HK1: variants seen among roughly 807,000 people sequenced by gnomAD.
HK1 encodes the protein hexokinase-1.
In HK1, 28 loss-of-function variants were observed where a neutral mutation model predicts 91.6. The ratio of observed to expected loss-of-function variants is 0.31; its 90% CI spans 0.23 to 0.42. HK1 has a LOEUF of 0.42. Among genes scored for constraint, HK1 ranks in the 10% least tolerant of loss-of-function variants. HK1 has a pLI of 1.00. For synonymous variants in HK1, 430 were observed against 468.1 expected (o/e 0.92, Z 1.05); for missense variants, 770 against 1,219.8 (o/e 0.63, Z 5.49).
chr10:69,357,053 A>G (rs1269888067), intron 2 of HK1, among the ~76,000 whole-genome samples: 4 of 152,242 alleles, frequency 2.6e-5, no homozygotes. Flanking sequence ...ATAAGTGTTG[A>G]TGAAGACATG....
intron 1 of HK1, among the ~76,000 whole-genome samples, chr10:69,281,339 G>A (rs927673786): frequency 6.6e-6 from 1 of 152,162 alleles, no homozygotes; most frequent in African/African-American, 2.4e-5. Context: ...CCTAGAGGAC[G>A]GGGACCAAGC....
intron 1 of HK1, among the ~76,000 whole-genome samples, chr10:69,331,227 C>T (rs1184431554): frequency 4.6e-5 from 7 of 152,186 alleles, no homozygotes; most frequent in African/African-American, 7.2e-5. Context: ...AAGGCTTCTG[C>T]GTCACCTAAA....
chr10:69,374,680 A>G (rs1432741421), intron 7 of HK1, among the ~76,000 whole-genome samples: 1 of 152,200 alleles, frequency 6.6e-6, no homozygotes, highest in Non-Finnish European at 1.5e-5. Flanking sequence ...CTGGGAAAGG[A>G]CAGACCCTGG....
intron 16 of HK1, among the ~76,000 whole-genome samples, chr10:69,396,827 G>A (rs1840165341): frequency 2.0e-5 from 3 of 151,936 alleles, no homozygotes; most frequent in African/African-American, 2.4e-5. Context: ...GATTACAGGC[G>A]TGCGTCACCA....
At position 69,362,251 on chromosome 10, in the gene HK1, A is replaced by T. The variant is rs112297586; in HGVS notation, c.375+2206A>T. On this transcript the variant is annotated intron_variant, in intron 3 of 17. Transcript: ENST00000359426. ...ATTTTTATTTTAAATTATTAAAAAA[A>T]TTTTTTTTTAAAGATGGGATCTTGC... 5.2e-4 allele frequency among the ~76,000 whole-genome samples: 79 copies of T among 151,614 alleles called. 1 individual carries two copies. Among genetic ancestry groups the T allele is most frequent in the African/African-American group, 1.6e-3 (68 of 41,374 alleles).
intron 1 of HK1, among the ~76,000 whole-genome samples, chr10:69,341,694 G>T (rs558306374): frequency 6.6e-6 from 1 of 152,124 alleles, no homozygotes; most frequent in South Asian, 2.1e-4. Context: ...GGGCTCAAAT[G>T]ATCCTGCTGC....
intron 1 of HK1, among the ~76,000 whole-genome samples, chr10:69,270,767 T>A (rs1354377876): frequency 2.0e-5 from 3 of 152,170 alleles, no homozygotes; most frequent in Non-Finnish European, 2.9e-5. Flanking sequence ...TCTTCAGAAA[T>A]CTTTTATCTG....
chr10:69,270,473 C>A (rs149267542), intron 1 of HK1, among the ~76,000 whole-genome samples: 1 of 152,030 alleles, frequency 6.6e-6, no homozygotes. Context: ...ATCCTAGCTA[C>A]TCGGGAGGCT....
rs531406651 is a variant in HK1, at chr10:69,329,089, C to T, written c.63+10079C>T. 3.9e-5 allele frequency among the ~76,000 whole-genome samples: 6 copies of T among 151,972 alleles called. 1 individual carries two copies. In the South Asian group the frequency reaches 6.2e-4, roughly 16 times the overall value. On this transcript the variant is annotated intron_variant, in intron 1 of 17. Coordinates refer to ENST00000359426, the MANE Select transcript of HK1 (RefSeq NM_000188.3). Reference sequence around the variant, plus strand: ...GCATTTGGACTGCTTCCACTCTTTTCGGCTGTTATGAATAATGCTGCTCTG... The same window carrying T: ...GCATTTGGACTGCTTCCACTCTTTTTGGCTGTTATGAATAATGCTGCTCTG...
rs566233403 is a variant in HK1, at chr10:69,386,519, C to T, written c.1935+101C>T. The stretch of plus-strand genomic sequence containing the variant: ...AGAATTCAGGCCAGGCGTGGTGGCT[C>T]ACGCCTGTAATCCCAGCACTTTGGG... On this transcript the variant is annotated intron_variant, in intron 13 of 17. Coordinates refer to ENST00000359426, the MANE Select transcript of HK1 (RefSeq NM_000188.3). The T allele has an allele frequency of 3.4e-5, 31 of 915,722 alleles. No individual in the cohort carries two copies. The South Asian group carries it at 3.6e-4, about 11-fold the overall frequency. The allele number at this position is 915,722 out of a possible 1,614,324, so 56.7% of individuals were successfully genotyped here.
At chr10:69,289,905 C>A (rs1845220535) in intron 3 of HK1, among the ~76,000 whole-genome samples, 1 of 151,806 alleles carries the variant, frequency 6.6e-6, no homozygotes, top group Admixed American at 6.6e-5. Context: ...ACAGTGTGAG[C>A]CACTGTGCCC....
intron 2 of HK1, among the ~76,000 whole-genome samples, chr10:69,355,025 C>A (rs907906307): frequency 7.0e-6 from 1 of 142,154 alleles, no homozygotes; most frequent in Non-Finnish European, 1.5e-5. Flanking sequence ...GCCAAGATCA[C>A]GCCATTGCAC....
intron 13 of HK1, among the ~76,000 whole-genome samples, chr10:69,388,021 G>T (rs1564565113): frequency 6.6e-6 from 1 of 152,144 alleles, no homozygotes; most frequent in Non-Finnish European, 1.5e-5. Context: ...AAGCTGAAAT[G>T]AGTGTCTGAA....
At chr10:69,360,321 G>A (rs565009154) in intron 3 of HK1, among the ~76,000 whole-genome samples, 30 of 152,360 alleles carry the variant, frequency 2.0e-4, no homozygotes, top group Non-Finnish European at 2.5e-4. Context: ...GGGAGGCTCC[G>A]CAGCTCTGTT....
upstream of HK1, among the ~76,000 whole-genome samples, chr10:69,312,018 T>C (rs1846399755): frequency 1.3e-5 from 2 of 152,116 alleles, no homozygotes; most frequent in African/African-American, 4.8e-5. Flanking sequence ...AGGGACAGGG[T>C]GGGACTCGGA....
Position 69,360,736 on chromosome 10 carries a change from G to A in HK1, c.375+691G>A, listed in dbSNP as rs1323094194. Among the ~76,000 whole-genome samples the A allele has an allele frequency of 3.9e-5, 6 of 152,318 alleles. No homozygotes were observed. In the East Asian group the frequency reaches 1.2e-3, roughly 29 times the overall value. On this transcript the variant is annotated intron_variant, in intron 3 of 17. Coordinates refer to ENST00000359426, the MANE Select transcript of HK1 (RefSeq NM_000188.3). ...GCCCCCTCCTCTCTGGGTGCGGGGA[G>A]TGGTGGGTCTGTAGCTCACTGAGGA...
At chr10:69,355,523 C>T (rs2132738608) in intron 2 of HK1, among the ~76,000 whole-genome samples, 1 of 152,276 alleles carries the variant, frequency 6.6e-6, no homozygotes, top group East Asian at 1.9e-4. Context: ...AGTGTGGTGG[C>T]TCATGCCTGT....
chr10:69,313,313 G>A (rs1253071140), upstream of HK1, among the ~76,000 whole-genome samples: 2 of 152,194 alleles, frequency 1.3e-5, no homozygotes, highest in Admixed American at 6.5e-5. Flanking sequence ...AAAGGGGGCG[G>A]TGGCTGCTCA....
chr10:69,382,885 C>T lies in HK1; in HGVS notation c.1570+94C>T, dbSNP rs575651114. On this transcript the variant is annotated intron_variant, in intron 10 of 17. Transcript: ENST00000359426. ...TTGGATTCGCCAGTGGATGCCTTCA[C>T]ACTGGTGATGCACGATTTTGCCAGA... is the stretch of plus-strand genomic sequence containing the variant. 102 of 1,214,836 alleles carry T rather than the reference C, an allele frequency of 8.4e-5. No individual in the cohort carries two copies. In the African/African-American group the frequency reaches 1.2e-3, roughly 15 times the overall value. The allele number at this position is 1,214,836 out of a possible 1,614,324, so 75.3% of individuals were successfully genotyped here. A position where few individuals can be genotyped will look rare whatever the true frequency, so the allele number is the denominator to read the frequency against.
Sources: allele counts gnomAD v4.1 joint callset (sites outside exome capture counted in the v4.1 genomes callset), GRCh38; gene constraint gnomAD v4.1.1; transcripts MANE v1.5; gene names NCBI Gene and HGNC (gene_info 2026-07-23, HGNC 2026-07-21).